The following EPHB2 variants were observed in gnomAD, a reference collection of about 807,000 sequenced individuals.
EPHB2 encodes EPH receptor B2.
In EPHB2, 18 loss-of-function variants were observed where a neutral mutation model predicts 96.4. The ratio of observed to expected loss-of-function variants is 0.19; its 90% CI spans 0.13 to 0.28. The LOEUF (loss-of-function observed/expected upper bound fraction) is 0.28. Among genes scored for constraint, EPHB2 ranks in the 10% least tolerant of loss-of-function variants. The pLI, the probability that EPHB2 is intolerant of heterozygous loss-of-function variation, is 1.00. For synonymous variants in EPHB2, 506 were observed against 534.1 expected (o/e 0.95, Z 0.72); for missense variants, 989 against 1,355.4 (o/e 0.73, Z 4.25).
intron 3 of EPHB2, among the ~76,000 whole-genome samples, chr1:22,796,268 C>T (rs906736780): frequency 1.3e-5 from 2 of 152,084 alleles, no homozygotes; most frequent in African/African-American, 2.4e-5. Flanking sequence ...GGATGGGCTG[C>T]GTAGCCCCCA....
intron 5 of EPHB2, among the ~76,000 whole-genome samples, chr1:22,881,998 G>C (rs149359387): frequency 4.3e-4 from 66 of 152,300 alleles, no homozygotes; most frequent in African/African-American, 1.4e-3. Flanking sequence ...GCACTGGTGG[G>C]AGGAATGGGA....
intron 3 of EPHB2, among the ~76,000 whole-genome samples, chr1:22,839,478 G>A (rs1645434317): frequency 6.6e-6 from 1 of 152,210 alleles, no homozygotes; most frequent in South Asian, 2.1e-4. Flanking sequence ...GGAGAAGAAA[G>A]TCAAAGGGGA....
chr1:22,834,625 CA>C lies in EPHB2; in HGVS notation c.812-28401del, dbSNP rs202032340. Among the ~76,000 whole-genome samples the C allele has an allele frequency of 9.2e-3, 1,345 of 146,018 alleles. 19 individuals carry two copies. Among genetic ancestry groups the C allele is most frequent in the African/African-American group, 0.029 (1,176 of 40,086 alleles). Reference sequence around the variant, plus strand: ...CTGTGTGCCAATAAAACTTTATTTTCAAAAAAAAAAATGGCAAGGCCAGGCA... The same window carrying C: ...CTGTGTGCCAATAAAACTTTATTTTCAAAAAAAAAATGGCAAGGCCAGGCA... On this transcript the variant is annotated intron_variant, in intron 3 of 15. Transcript: ENST00000374630.
chr1:22,734,279 G>A (rs1643777988), intron 1 of EPHB2, among the ~76,000 whole-genome samples: 2 of 152,184 alleles, frequency 1.3e-5, no homozygotes, highest in Non-Finnish European at 1.5e-5. Flanking sequence ...GTGGTTCACA[G>A]CATCCTTTCC....
chr1:22,851,260 A>T lies in EPHB2; in HGVS notation c.812-11777A>T, dbSNP rs544355806. Among the ~76,000 whole-genome samples, 4 of 152,314 alleles carry T rather than the reference A, an allele frequency of 2.6e-5. No individual in the cohort carries two copies. In the East Asian group the frequency reaches 7.7e-4, roughly 29 times the overall value. ...CGATCCTCCCGCCTTGGCCTCCCAA[A>T]GTGCTGGGATTACAGGTGTGAGCCA... On this transcript the variant is annotated intron_variant, in intron 3 of 15. Transcript: ENST00000374630.
intron 1 of EPHB2, among the ~76,000 whole-genome samples, chr1:22,777,133 A>G (rs1275695052): frequency 6.6e-6 from 1 of 152,216 alleles, no homozygotes; most frequent in Non-Finnish European, 1.5e-5. Context: ...GCAGGCCAAG[A>G]AGATGTAGAG....
chr1:22,814,475 G>A (rs1364780155), intron 3 of EPHB2, among the ~76,000 whole-genome samples: 1 of 152,040 alleles, frequency 6.6e-6, no homozygotes, highest in African/African-American at 2.4e-5. Context: ...AAAGTGGGGG[G>A]GTGCAAATGG....
intron 1 of EPHB2, among the ~76,000 whole-genome samples, chr1:22,746,007 G>A (rs913237698): frequency 6.6e-6 from 1 of 152,206 alleles, no homozygotes; most frequent in South Asian, 2.1e-4. Flanking sequence ...TGCCAGCAAG[G>A]TTTGGTGAGA....
intron 1 of EPHB2, among the ~76,000 whole-genome samples, chr1:22,734,098 C>A (rs1371712058): frequency 2.0e-5 from 3 of 152,198 alleles, no homozygotes; most frequent in African/African-American, 7.2e-5. Context: ...CCACCCAGGG[C>A]CAGCCTGGGC....
At chr1:22,728,698 G>T (rs985325825) in intron 1 of EPHB2, among the ~76,000 whole-genome samples, 1 of 152,218 alleles carries the variant, frequency 6.6e-6, no homozygotes, top group Admixed American at 6.5e-5. Context: ...CACTAGGGAT[G>T]ATCTTCCCAT....
At position 22,846,432 on chromosome 1, in the gene EPHB2, A is replaced by G. The variant is rs1465951518; in HGVS notation, c.812-16605A>G. On this transcript the variant is annotated intron_variant, in intron 3 of 15. Transcript: ENST00000374630. The surrounding 1 kb of genome is among the most constrained non-coding windows in gnomAD (Gnocchi z 4.3). ...GTGAGACTCTGTCTCAAAAAAAAAA[A>G]AAAAGAAAAGAAAGTCCTAGGTCAG... is the stretch of plus-strand genomic sequence containing the variant. 7.1e-6 allele frequency among the ~76,000 whole-genome samples: 1 copy of G among 140,512 alleles called. No individual in the cohort carries two copies. Among genetic ancestry groups the G allele is most frequent in the Non-Finnish European group, 1.6e-5 (1 of 62,934 alleles). The allele number at this position is 140,512 out of a possible 152,430, so 92.2% of individuals were successfully genotyped here.
intron 3 of EPHB2, among the ~76,000 whole-genome samples, chr1:22,820,138 T>C (rs1001086163): frequency 6.6e-6 from 1 of 152,110 alleles, no homozygotes; most frequent in Non-Finnish European, 1.5e-5. Context: ...AGAAAGGTGG[T>C]GAGACCTAGC....
chr1:22,754,882 G>A (rs112188833), intron 1 of EPHB2, among the ~76,000 whole-genome samples: 1 of 104,670 alleles, frequency 9.6e-6, no homozygotes, highest in Non-Finnish European at 2.2e-5. Flanking sequence ...GGCAGGTGAG[G>A]TGAGGCGAGG....
chr1:22,826,361 T>C (rs1441182967), intron 3 of EPHB2, among the ~76,000 whole-genome samples: 1 of 152,220 alleles, frequency 6.6e-6, no homozygotes, highest in Admixed American at 6.5e-5. Context: ...AACTGGGGTC[T>C]GCAAACCCCA....
At chr1:22,724,034 G>T (rs1643528384) in intron 1 of EPHB2, among the ~76,000 whole-genome samples, 1 of 152,226 alleles carries the variant, frequency 6.6e-6, no homozygotes, top group African/African-American at 2.4e-5. Flanking sequence ...GTAGAGCTAG[G>T]ATCCAAGCTT....
At chr1:22,721,908 G>T (rs769758649) in intron 1 of EPHB2, among the ~76,000 whole-genome samples, 1 of 151,868 alleles carries the variant, frequency 6.6e-6, no homozygotes, top group African/African-American at 2.4e-5. Flanking sequence ...AAGCCATTGC[G>T]CCCAGCCTGA....
intron 3 of EPHB2, among the ~76,000 whole-genome samples, chr1:22,842,252 C>T (rs150483666): frequency 8.5e-5 from 13 of 152,204 alleles, no homozygotes; most frequent in South Asian, 8.3e-4. Context: ...TCACTGATTG[C>T]GAGTCCTTGC....
In EPHB2 at chr1:22,784,741, T is replaced by C. The variant is rs755879848; in HGVS notation, c.476T>C (p.Ile159Thr). 3 of 1,612,632 alleles carry C rather than the reference T, an allele frequency of 1.9e-6. No homozygotes were observed. The East Asian group carries it at 6.7e-5, about 36-fold the overall frequency. Residue 159 changes from isoleucine to threonine, a missense_variant, in exon 3 of 16, where the codon ATC becomes ACC. Ile to Thr is a moderately conservative substitution (Grantham distance 89). Coordinates refer to ENST00000374630, the MANE Select transcript of EPHB2 (RefSeq NM_017449.5). This position sits in a 1 kb window ranked among gnomAD's most constrained non-coding sequence, Gnocchi z 5.1. ...GACCTGGGTGGCCGCGTCATGAAAA[T>C]CAACACCGAGGTGCGGAGCTTCGGA... ...QVDLGGRVMK[I>T]NTEVRSFGPV...
intron 1 of EPHB2, among the ~76,000 whole-genome samples, chr1:22,738,005 G>A (rs1251901994): frequency 6.6e-6 from 1 of 152,154 alleles, no homozygotes; most frequent in African/African-American, 2.4e-5. Flanking sequence ...CATCAACCTA[G>A]CCTCGCAGAG....
Sources: gnomAD v4.1 joint callset for allele counts (sites outside exome capture counted in the v4.1 genomes callset) on GRCh38, gnomAD v4.1.1 for gene constraint, Gnocchi (gnomAD v3.1) non-coding constraint, MANE v1.5 for transcripts, NCBI Gene and HGNC (gene_info 2026-07-23, HGNC 2026-07-21) for gene names.